Variants in NRCAM observed in about 807,000 individuals in gnomAD.
NRCAM encodes NgCAM-related cell adhesion molecule.
NRCAM carries 83 observed loss-of-function variants against 156.5 expected under a neutral mutation model. The observed-to-expected ratio is 0.53, with a 90% confidence interval of 0.44 to 0.64. NRCAM has a LOEUF of 0.64. NRCAM is among the 30% of genes least tolerant of loss of function. The pLI is 0.00. For missense variants in NRCAM, 1,417 were observed against 1,597.3 expected (o/e 0.89, Z 1.92); for synonymous variants, 538 against 563.9 (o/e 0.95, Z 0.65).
chr7:108,245,627 T>C (rs2095855590), intron 3 of NRCAM, among the ~76,000 whole-genome samples: 1 of 152,190 alleles, frequency 6.6e-6, no homozygotes, highest in African/African-American at 2.4e-5. Context: ...CTTTCTCCCT[T>C]AGGAAGCAGT....
At chr7:108,308,513 T>C (rs1281106337) in intron 3 of NRCAM, among the ~76,000 whole-genome samples, 2 of 152,170 alleles carry the variant, frequency 1.3e-5, no homozygotes, top group African/African-American at 4.8e-5. Context: ...TCAAACCAGA[T>C]ATTTCTCCCC....
intron 3 of NRCAM, among the ~76,000 whole-genome samples, chr7:108,246,362 T>C (rs897050079): frequency 6.6e-6 from 1 of 152,176 alleles, no homozygotes; most frequent in South Asian, 2.1e-4. Context: ...ACTTGGCTGC[T>C]TGTGAGGCAC....
chr7:108,282,033 T>A (rs554291105), intron 3 of NRCAM, among the ~76,000 whole-genome samples: 2 of 152,326 alleles, frequency 1.3e-5, no homozygotes, highest in Admixed American at 6.5e-5. Context: ...AACAGTTACA[T>A]AAATATGGAA....
intron 17 of NRCAM, among the ~76,000 whole-genome samples, chr7:108,192,244 T>C (rs2153449689): frequency 6.6e-6 from 1 of 152,158 alleles, no homozygotes; most frequent in African/African-American, 2.4e-5. Flanking sequence ...CTCCGCCTCC[T>C]GTCAGATTAG....
chr7:108,244,345 G>A (rs1230720025), intron 3 of NRCAM, among the ~76,000 whole-genome samples: 1 of 152,074 alleles, frequency 6.6e-6, no homozygotes, highest in East Asian at 1.9e-4. Context: ...TCAGTGGCTC[G>A]CCTCAGTGAC....
At chr7:108,186,317 T>G (rs1305896477) in intron 20 of NRCAM, among the ~76,000 whole-genome samples, 1 of 152,200 alleles carries the variant, frequency 6.6e-6, no homozygotes, top group Non-Finnish European at 1.5e-5. Context: ...AGTCCAACTG[T>G]CTGCTCGACA....
chr7:108,185,707 C>T (rs2066276946), intron 20 of NRCAM, among the ~76,000 whole-genome samples: 1 of 141,014 alleles, frequency 7.1e-6, no homozygotes, highest in Non-Finnish European at 1.5e-5. Context: ...CAGAGTGAAA[C>T]CCTGTCTCAA....
chr7:108,341,008 T>A (rs1411133379), intron 2 of NRCAM, among the ~76,000 whole-genome samples: 2 of 152,196 alleles, frequency 1.3e-5, no homozygotes, highest in African/African-American at 4.8e-5. Context: ...GCAAGCAGAC[T>A]TTGGAGGCTC....
At chr7:108,209,703 T>TA in intron 11 of NRCAM, 98 bp from the exon 12 acceptor site, 1 of 819,206 alleles carries the variant, frequency 1.2e-6, no homozygotes, top group Non-Finnish European at 2.0e-6. Flanking sequence ...AAATCTTTAT[T>TA]AAAAAATCAT....
At chr7:108,270,397 A>G (rs1052973018) in intron 3 of NRCAM, among the ~76,000 whole-genome samples, 4 of 152,256 alleles carry the variant, frequency 2.6e-5, no homozygotes, top group African/African-American at 9.6e-5. Context: ...CATTCATTTA[A>G]TAATTCACAG....
intron 3 of NRCAM, among the ~76,000 whole-genome samples, chr7:108,284,457 G>C (rs2097995538): frequency 6.6e-6 from 1 of 152,172 alleles, no homozygotes; most frequent in Non-Finnish European, 1.5e-5. Context: ...ACAGCTTCCA[G>C]AGCATCTTTA....
At chr7:108,278,774 A>G (rs1027163799) in intron 3 of NRCAM, among the ~76,000 whole-genome samples, 7 of 152,240 alleles carry the variant, frequency 4.6e-5, no homozygotes, top group African/African-American at 1.7e-4. Flanking sequence ...CCACTGTCCA[A>G]CCAGTCCCAG....
chr7:108,344,955 A>C (rs186180701), intron 2 of NRCAM, among the ~76,000 whole-genome samples: 5 of 152,318 alleles, frequency 3.3e-5, no homozygotes, highest in Admixed American at 3.3e-4. Flanking sequence ...GGAGAAGATA[A>C]GAAGGAAGGC....
intron 2 of NRCAM, among the ~76,000 whole-genome samples, chr7:108,383,584 T>C (rs189065660): frequency 1.8e-3 from 273 of 152,346 alleles, no homozygotes; most frequent in African/African-American, 6.3e-3. Context: ...GGCAGTCATC[T>C]GGCTCATGGC....
chr7:108,329,210 T>C (rs1292380740), intron 2 of NRCAM, among the ~76,000 whole-genome samples: 3 of 152,338 alleles, frequency 2.0e-5, no homozygotes, highest in South Asian at 2.1e-4. Context: ...ATGTTGCTTA[T>C]TATTCTTCTT....
intron 3 of NRCAM, among the ~76,000 whole-genome samples, chr7:108,299,114 A>AG (rs1554479869): frequency 7.8e-5 from 2 of 25,528 alleles, no homozygotes; most frequent in Admixed American, 1.4e-3. Flanking sequence ...TCAAAAAAAA[A>AG]AAAGAAAGAA....
chr7:108,383,533 C>A (rs2099711242), intron 2 of NRCAM, among the ~76,000 whole-genome samples: 1 of 152,306 alleles, frequency 6.6e-6, no homozygotes, highest in Admixed American at 6.5e-5. Context: ...ATGAACACAA[C>A]CCCTGCAGAC....
At chr7:108,262,320 T>C (rs1236203725) in intron 3 of NRCAM, among the ~76,000 whole-genome samples, 2 of 152,036 alleles carry the variant, frequency 1.3e-5, no homozygotes, top group Admixed American at 1.3e-4. Context: ...TACAGTGATG[T>C]GGTGTGTGTG....
intron 8 of NRCAM, among the ~76,000 whole-genome samples, chr7:108,227,536 G>A (rs1416433539): frequency 1.3e-5 from 2 of 152,298 alleles, no homozygotes; most frequent in East Asian, 3.9e-4. Context: ...TCACCCTACT[G>A]TGCAATAGTA....
Sources: gnomAD v4.1 joint callset for allele counts (sites outside exome capture counted in the v4.1 genomes callset) on GRCh38, gnomAD v4.1.1 for gene constraint, MANE v1.5 for transcripts, NCBI Gene and HGNC (gene_info 2026-07-23, HGNC 2026-07-21) for gene names.